The following CNTNAP2 variants were observed in gnomAD, a reference collection of about 807,000 sequenced individuals.
The protein encoded by CNTNAP2 is contactin associated protein 2.
CNTNAP2 carries 98 observed loss-of-function variants against 155.2 expected under a neutral mutation model. The ratio of observed to expected loss-of-function variants is 0.63; its 90% CI spans 0.54 to 0.75. The LOEUF (loss-of-function observed/expected upper bound fraction) is 0.75. Ranked by LOEUF, CNTNAP2 falls within the 30% of genes least tolerant of loss-of-function variation. CNTNAP2 has a pLI of 0.00. For missense variants in CNTNAP2, 1,727 were observed against 1,688.1 expected, an observed-to-expected ratio of 1.02 and a Z score of -0.40; for synonymous variants, 651 against 631.2, an observed-to-expected ratio of 1.03 and a Z score of -0.47.
At chr7:148,066,922 CTAAG>C (rs1803276888) in intron 15 of CNTNAP2, among the ~76,000 whole-genome samples, 1 of 152,088 alleles carries the variant, frequency 6.6e-6, no homozygotes, top group African/African-American at 2.4e-5. Context: ...TTTCATTTCT[CTAAG>C]TGTGTCTTTC....
At chr7:146,587,503 C>T (rs535692877) in intron 1 of CNTNAP2, among the ~76,000 whole-genome samples, 97 of 152,160 alleles carry the variant, frequency 6.4e-4, no homozygotes, top group Non-Finnish European at 9.4e-4. Context: ...AGTATCTCCA[C>T]GTCATCACCT....
At chr7:146,915,594 A>T (rs1563000395) in intron 3 of CNTNAP2, among the ~76,000 whole-genome samples, 3 of 151,908 alleles carry the variant, frequency 2.0e-5, no homozygotes, top group Non-Finnish European at 4.4e-5. Flanking sequence ...GCTATCGTAA[A>T]AGGAGTTGAG....
chr7:147,868,531 C>A (rs1179863046), intron 13 of CNTNAP2, among the ~76,000 whole-genome samples: 2 of 152,210 alleles, frequency 1.3e-5, no homozygotes, highest in Non-Finnish European at 2.9e-5. Context: ...TTTAAGTCTG[C>A]AGAAGTTGTC....
chr7:147,700,767 AT>A (rs1796225899), intron 13 of CNTNAP2, among the ~76,000 whole-genome samples: 4 of 152,182 alleles, frequency 2.6e-5, no homozygotes, highest in Admixed American at 1.3e-4. Context: ...AGTGTTAAGT[AT>A]TTTGCCTGGA....
chr7:146,540,501 A>C (rs1455787955), intron 1 of CNTNAP2, among the ~76,000 whole-genome samples: 2 of 152,076 alleles, frequency 1.3e-5, no homozygotes, highest in Non-Finnish European at 2.9e-5. Flanking sequence ...TCTTCTTCAG[A>C]AGATCCAATA....
chr7:146,704,930 C>T (rs1800937945), intron 1 of CNTNAP2, among the ~76,000 whole-genome samples: 1 of 152,038 alleles, frequency 6.6e-6, no homozygotes. Flanking sequence ...GTCAACTTTC[C>T]TTGAAGAGAA....
At chr7:147,705,959 G>A (rs1796307751) in intron 13 of CNTNAP2, among the ~76,000 whole-genome samples, 1 of 151,608 alleles carries the variant, frequency 6.6e-6, no homozygotes, top group African/African-American at 2.4e-5. Flanking sequence ...TAAATTTCTT[G>A]TGGGTGGAAG....
At chr7:148,296,130 G>C (rs4726945) in intron 21 of CNTNAP2, among the ~76,000 whole-genome samples, 82,625 of 152,026 alleles carry the variant, frequency 0.54, 22,585 homozygotes, top group East Asian at 0.66. Context: ...TCTCTTTTTA[G>C]ATTGCAAGAC....
rs765932537 is a variant in CNTNAP2 at position 147,773,485 on chromosome 7, AAAAAC to A, written c.2099-130061_2099-130057del. Among the ~76,000 whole-genome samples, 12 of 152,276 alleles carry A rather than the reference AAAAAC, an allele frequency of 7.9e-5. No individual in the cohort carries two copies. In the South Asian group the frequency reaches 1.4e-3, roughly 18 times the overall value. On this transcript the variant is annotated intron_variant, in intron 13 of 23. Coordinates refer to ENST00000361727, the MANE Select transcript of CNTNAP2 (RefSeq NM_014141.6). ...ACCCTGTCTCTAGTAAAACAAAAACAAAAACAAAACAAAACAAAACAAACCTTGAA... is the reference window on the plus strand; with the variant it reads ...ACCCTGTCTCTAGTAAAACAAAAACAAAAACAAAACAAAACAAACCTTGAA...
intron 3 of CNTNAP2, among the ~76,000 whole-genome samples, chr7:146,857,937 AC>A (rs938766611): frequency 1.3e-5 from 2 of 151,098 alleles, no homozygotes; most frequent in African/African-American, 4.8e-5. Context: ...AGTCAATAAA[AC>A]TGTGAATATG....
chr7:147,110,405 G>A (rs192911552), intron 5 of CNTNAP2, among the ~76,000 whole-genome samples: 1 of 151,970 alleles, frequency 6.6e-6, no homozygotes, highest in African/African-American at 2.4e-5. Context: ...GCATGGGCAG[G>A]ATGTACAACT....
chr7:146,326,151 A>G (rs764157070), intron 1 of CNTNAP2, among the ~76,000 whole-genome samples: 13 of 152,130 alleles, frequency 8.5e-5, no homozygotes, highest in Non-Finnish European at 1.5e-4. Flanking sequence ...TCAAAATCCT[A>G]TTTTACTAAA....
At position 147,739,992 on chromosome 7, in the gene CNTNAP2, C is replaced by T. The variant is rs1796928573; in HGVS notation, c.2098+100686C>T. 2.0e-5 allele frequency among the ~76,000 whole-genome samples: 3 copies of T among 152,148 alleles called. 1 individual carries two copies. The highest frequency in any genetic ancestry group is 4.4e-5 in the Non-Finnish European group (3 of 68,026). ...TCACATAGTCTTACAGCTTTCTCTG[C>T]CCACAACTCCAGGTGTCTGTGTAGC... On this transcript the variant is annotated intron_variant, in intron 13 of 23. Coordinates refer to ENST00000361727, the MANE Select transcript of CNTNAP2 (RefSeq NM_014141.6).
chr7:146,628,883 A>T (rs1799464592), intron 1 of CNTNAP2, among the ~76,000 whole-genome samples: 1 of 152,144 alleles, frequency 6.6e-6, no homozygotes, highest in Non-Finnish European at 1.5e-5. Flanking sequence ...GTTATTCTTT[A>T]TGAATTAATA....
chr7:148,131,141 G>A (rs955775784), intron 16 of CNTNAP2, among the ~76,000 whole-genome samples: 3 of 135,270 alleles, frequency 2.2e-5, no homozygotes, highest in African/African-American at 8.5e-5. Flanking sequence ...TGTTGCCCAG[G>A]CCAGAGTGCA....
intron 13 of CNTNAP2, among the ~76,000 whole-genome samples, chr7:147,731,333 A>G (rs1455958882): frequency 6.6e-6 from 1 of 152,126 alleles, no homozygotes; most frequent in African/African-American, 2.4e-5. Flanking sequence ...AGTTGAAGCC[A>G]ATATTCACTT....
At chr7:146,545,003 G>T (rs537483942) in intron 1 of CNTNAP2, among the ~76,000 whole-genome samples, 4 of 151,998 alleles carry the variant, frequency 2.6e-5, no homozygotes, top group Admixed American at 6.6e-5. Flanking sequence ...AAAGCAAAAA[G>T]GTGTTTAGGC....
At chr7:147,275,044 C>T (rs1222242467) in intron 8 of CNTNAP2, among the ~76,000 whole-genome samples, 1 of 152,032 alleles carries the variant, frequency 6.6e-6, no homozygotes, top group Non-Finnish European at 1.5e-5. Context: ...CAATACCATG[C>T]TGTTTTGGTT....
chr7:147,540,290 T>G (rs1288208326), intron 11 of CNTNAP2, among the ~76,000 whole-genome samples: 4 of 152,060 alleles, frequency 2.6e-5, no homozygotes, highest in Admixed American at 1.3e-4. Flanking sequence ...ACACATCTCT[T>G]TCCTTCTACT....
Sources: gnomAD v4.1 joint callset for allele counts (sites outside exome capture counted in the v4.1 genomes callset) on GRCh38, gnomAD v4.1.1 for gene constraint, MANE v1.5 for transcripts, NCBI Gene and HGNC (gene_info 2026-07-23, HGNC 2026-07-21) for gene names.